The following INO80E variants were observed in gnomAD, a reference collection of about 807,000 sequenced individuals.
The protein encoded by INO80E is INO80 complex subunit E.
INO80E carries 20 observed loss-of-function variants against 27.3 expected under a neutral mutation model. That is an observed-to-expected ratio of 0.73 (90% CI 0.51 to 1.06). INO80E has a LOEUF of 1.06. Among genes scored for constraint, INO80E ranks in the 50% least tolerant of loss-of-function variants. The pLI, the probability that INO80E is intolerant of heterozygous loss-of-function variation, is 0.00. For missense variants in INO80E, 357 were observed against 322.8 expected (o/e 1.11, Z -0.81); for synonymous variants, 167 against 145.9 (o/e 1.14, Z -1.04).
chr16:30,005,287 G>C lies in INO80E; in HGVS notation c.580G>C (p.Ala194Pro). 2 of 1,486,118 alleles carry C rather than the reference G, an allele frequency of 1.3e-6. No homozygotes were observed. Among genetic ancestry groups the C allele is most frequent in the Non-Finnish European group, 1.8e-6 (2 of 1,120,470 alleles). The allele number at this position is 1,486,118 out of a possible 1,614,324, so 92.1% of individuals were successfully genotyped here. ...GACCTTCCCTGGCCGGGGTTCTGGGGCTGGGGTCGGGACAACCCTGACCCC... is the reference window on the plus strand; with the variant it reads ...GACCTTCCCTGGCCGGGGTTCTGGGCCTGGGGTCGGGACAACCCTGACCCC... ...PLTFPGRGSG[A>P]GVGTTLTPLP... is the part of the protein sequence containing the mutation. Residue 194 changes from alanine (A) to proline (P), a missense_variant, in exon 7 of 7, where the codon GCT (alanine) becomes CCT (proline). Transcript: ENST00000563197.
At position 30,003,467 on chromosome 16, in the gene INO80E, T is replaced by TGAGGAGATGGAAGGAAGGGAGTCC. The variant is rs1197605433; in HGVS notation, c.514-1753_514-1730dup. On this transcript the variant is annotated intron_variant, in intron 6 of 6. Coordinates refer to ENST00000563197, the MANE Select transcript of INO80E (RefSeq NM_173618.3). This position sits in a 1 kb window ranked among gnomAD's most constrained non-coding sequence, Gnocchi z 4.4. ...GGGAGTCCCTGAAGGGCCAGGGGAGTGAGGAGATGGAAGGAAGGGAGTCCA... is the reference window on the plus strand; with the variant it reads ...GGGAGTCCCTGAAGGGCCAGGGGAGTGAGGAGATGGAAGGAAGGGAGTCCGAGGAGATGGAAGGAAGGGAGTCCA... 1.3e-5 allele frequency: 2 copies of TGAGGAGATGGAAGGAAGGGAGTCC among 150,176 alleles called. No individual in the cohort carries two copies. Among genetic ancestry groups the TGAGGAGATGGAAGGAAGGGAGTCC allele is most frequent in the Non-Finnish European group, 1.5e-5 (1 of 67,664 alleles). The allele number at this position is 150,176 out of a possible 1,614,324, so 9.3% of individuals were successfully genotyped here.
intron 4 of INO80E, 37 bp downstream of exon 4, chr16:30,000,873 C>G: frequency 6.2e-7 from 1 of 1,610,596 alleles, no homozygotes; most frequent in Non-Finnish European, 8.5e-7. Context: ...TGGGGAGGGT[C>G]AGGTGGGGCG....
In INO80E at chr16:30,001,456, G is replaced by A. The variant is rs1217568749; in HGVS notation, c.439G>A (p.Ala147Thr). The A allele has an allele frequency of 6.2e-7, 1 of 1,612,502 alleles. No individual in the cohort carries two copies. Among genetic ancestry groups the A allele is most frequent in the African/African-American group, 1.3e-5 (1 of 74,932 alleles). ...CCCCCCATTCCCTTCTGACTACCTGGCCCTGCAGCTGCCCGAGCCCAGTCC... is the reference window on the plus strand; with the variant it reads ...CCCCCCATTCCCTTCTGACTACCTGACCCTGCAGCTGCCCGAGCCCAGTCC... ...RYPPFPSDYL[A>T]LQLPEPSPLR... Residue 147 changes from alanine to threonine, a missense_variant, in exon 6 of 7, where the codon GCC becomes ACC. Coordinates refer to ENST00000563197, the MANE Select transcript of INO80E (RefSeq NM_173618.3).
chr16:29,996,771 G>A, intron 2 of INO80E, 37 bp from the exon 3 acceptor site: 1 of 1,611,690 alleles, frequency 6.2e-7, no homozygotes, highest in Non-Finnish European at 8.5e-7. Flanking sequence ...TTGCTGCGCT[G>A]GAAAATCACT....
At position 30,005,343 on chromosome 16, in the gene INO80E, G is replaced by A. The variant is rs772971595; in HGVS notation, c.636G>A (p.Thr212=). The change falls in exon 7 of 7, where the codon ACG becomes ACA. Residue 212 remains threonine (T), a synonymous_variant. Transcript: ENST00000563197. The part of the protein sequence containing the change: ...PLPPPKMPPP[T]ILSTVPRQMF... The stretch of plus-strand genomic sequence containing the variant: ...CACCCCCTAAGATGCCCCCCCCCAC[G>A]ATCCTGAGCACGGTCCCTCGGCAGA... The A allele has an allele frequency of 8.2e-6, 5 of 610,786 alleles. No individual in the cohort carries two copies. Among genetic ancestry groups the A allele is most frequent in the African/African-American group, 7.1e-5 (1 of 14,166 alleles). 37.8% of individuals were successfully genotyped at this position (610,786 alleles called of 1,614,324 possible).
In INO80E at chr16:30,005,455, G is replaced by T. The variant is rs373302757; in HGVS notation, c.*13G>T. On this transcript the variant is annotated 3_prime_UTR_variant, in exon 7 of 7. Coordinates refer to ENST00000563197, the MANE Select transcript of INO80E (RefSeq NM_173618.3). ...CATCCCGGAGTGACCGTGACATCAC[G>T]CCATGCCCACCACGGCCCCGCCCGG... The T allele has an allele frequency of 6.3e-7, 1 of 1,586,820 alleles. No homozygotes were observed. Among genetic ancestry groups the T allele is most frequent in the Admixed American group, 1.8e-5 (1 of 56,776 alleles).
At chr16:30,001,234 G>GGAGAGCAAAGCCCAGGACAGCATCCT (rs2070339504) in intron 5 of INO80E, 180 bp from the exon 6 acceptor site, 2 of 1,492,216 alleles carry the variant, frequency 1.3e-6, no homozygotes, top group African/African-American at 1.4e-5. Context: ...GCCTGACTGA[G>GGAGAGCAAAGCCCAGGACAGCATCCT]GAGAGCAAAG....
rs148099960 is a variant in INO80E at position 30,003,296 on chromosome 16, G to T, written c.513+1766G>T. ...ATATTCCTGGCTGAAGCCATAGTGG[G>T]AAGGGAGACAGGGCCACAGGGAAAG... On this transcript the variant is annotated intron_variant, in intron 6 of 6. Coordinates refer to ENST00000563197, the MANE Select transcript of INO80E (RefSeq NM_173618.3). This position sits in a 1 kb window ranked among gnomAD's most constrained non-coding sequence, Gnocchi z 4.4. 6.6e-6 allele frequency: 1 copy of T among 152,410 alleles called. No homozygotes were observed. Among genetic ancestry groups the T allele is most frequent in the Non-Finnish European group, 1.5e-5 (1 of 68,174 alleles). The allele number at this position is 152,410 out of a possible 1,614,324, so 9.4% of individuals were successfully genotyped here.
In INO80E at chr16:29,996,276, G is replaced by A. The variant is rs771708119; in HGVS notation, c.-35G>A. The stretch of plus-strand genomic sequence containing the variant: ...CGGCAGCCACTGCTTGGGGTAGCGG[G>A]AGGGCAGACTCTGGGCGCCACTCCC... On this transcript the variant is annotated 5_prime_UTR_variant, in exon 1 of 7. Transcript: ENST00000563197. 2 of 1,557,550 alleles carry A rather than the reference G, an allele frequency of 1.3e-6. No homozygotes were observed. Among genetic ancestry groups the A allele is most frequent in the South Asian group, 1.2e-5 (1 of 85,394 alleles).
chr16:30,001,275 C>T (rs2070341742), intron 5 of INO80E, 139 bp from the exon 6 acceptor site: 1 of 1,491,982 alleles, frequency 6.7e-7, no homozygotes, highest in Non-Finnish European at 9.0e-7. Flanking sequence ...CTGCCCGGCC[C>T]TTCTGTGCTC....
intron 6 of INO80E, chr16:30,004,287 T>G (rs1350903630): frequency 6.6e-6 from 1 of 152,288 alleles, no homozygotes; most frequent in Non-Finnish European, 1.5e-5. Context: ...AGAAACCACC[T>G]GACACACAGC....
At chr16:30,002,189 C>T (rs1308362891) in intron 6 of INO80E, 1 of 152,400 alleles carries the variant, frequency 6.6e-6, no homozygotes, top group Non-Finnish European at 1.5e-5. Context: ...TGTTCTTGAT[C>T]AGAGACTTAC....
intron 3 of INO80E, among the ~76,000 whole-genome samples, chr16:29,997,792 A>G (rs1358242390): frequency 6.8e-6 from 1 of 148,114 alleles, no homozygotes; most frequent in Non-Finnish European, 1.5e-5. Flanking sequence ...CTTGCAGACC[A>G]CACAAGCAGG....
intron 3 of INO80E, among the ~76,000 whole-genome samples, chr16:29,998,811 C>A (rs192335908): frequency 6.6e-6 from 1 of 152,082 alleles, no homozygotes; most frequent in Admixed American, 6.6e-5. Flanking sequence ...TTTGGGAGGC[C>A]GAGGCAGGCA....
Position 30,005,310 on chromosome 16 carries a change from CCCCCT to C in INO80E, c.607_611del (p.Leu203ThrfsTer3). 2 of 686,190 alleles carry C rather than the reference CCCCCT, an allele frequency of 2.9e-6. No individual in the cohort carries two copies. The highest frequency in any genetic ancestry group is 4.3e-6 in the Non-Finnish European group (2 of 470,508). 42.5% of individuals were successfully genotyped at this position (686,190 alleles called of 1,614,324 possible). A position where few individuals can be genotyped will look rare whatever the true frequency, so the allele number is the denominator to read the frequency against. ...GGGCTGGGGTCGGGACAACCCTGAC[CCCCCT>C]CCCACCCCCTAAGATGCCCCCCCCC... On this transcript the variant is annotated frameshift_variant, in exon 7 of 7. Transcript: ENST00000563197. LOFTEE classifies it high-confidence loss of function.
At chr16:30,001,697 G>C (rs1596676037) in intron 6 of INO80E, 167 bp downstream of exon 6, 3 of 646,072 alleles carry the variant, frequency 4.6e-6, no homozygotes, top group Non-Finnish European at 5.3e-6. Context: ...TTACAGGCTT[G>C]TATGGAGACA....
chr16:30,001,253 A>G (rs986669635), intron 5 of INO80E, 161 bp from the exon 6 acceptor site: 3 of 1,491,988 alleles, frequency 2.0e-6, no homozygotes, highest in Non-Finnish European at 2.7e-6. Context: ...AGCCCAGGAC[A>G]GCATCCTGCT....
At chr16:30,001,296 G>GGAGC in intron 5 of INO80E, 118 bp from the exon 6 acceptor site, 1 of 1,492,744 alleles carries the variant, frequency 6.7e-7, no homozygotes, top group Non-Finnish European at 9.0e-7. Flanking sequence ...GGGAGCCCCG[G>GGAGC]GAGCCGCACT....
In INO80E at chr16:30,001,057, G is replaced by T; in HGVS notation, c.396+17G>T. 6.5e-7 allele frequency: 1 copy of T among 1,532,336 alleles called. No homozygotes were observed. Among genetic ancestry groups the T allele is most frequent in the South Asian group, 1.3e-5 (1 of 79,910 alleles). The allele number at this position is 1,532,336 out of a possible 1,614,324, so 94.9% of individuals were successfully genotyped here. A position where few individuals can be genotyped will look rare whatever the true frequency, so the allele number is the denominator to read the frequency against. Reference sequence around the variant, plus strand: ...CTGAGCTCGGTGAGTTGGGGTCAGGGATGGGAAGTGCTTGGGAGTAAGGTG... The same window carrying T: ...CTGAGCTCGGTGAGTTGGGGTCAGGTATGGGAAGTGCTTGGGAGTAAGGTG... On this transcript the variant is annotated intron_variant, in intron 5 of 6. Transcript: ENST00000563197.
Sources: allele counts gnomAD v4.1 joint callset (sites outside exome capture counted in the v4.1 genomes callset), GRCh38; gene constraint gnomAD v4.1.1; non-coding constraint Gnocchi (gnomAD v3.1); transcripts MANE v1.5; gene names NCBI Gene and HGNC (gene_info 2026-07-23, HGNC 2026-07-21).